CACNA2D3: variants seen among roughly 807,000 people sequenced by gnomAD.
The protein encoded by CACNA2D3 is calcium voltage-gated channel auxiliary subunit alpha2delta 3, also known as voltage-dependent calcium channel subunit alpha-2/delta-3.
Under a neutral mutation model 160.6 loss-of-function variants are expected in CACNA2D3, and 60 were observed. The ratio of observed to expected loss-of-function variants is 0.37; its 90% CI spans 0.30 to 0.46. The LOEUF (loss-of-function observed/expected upper bound fraction) is 0.46, where lower values mean the gene tolerates loss of function less well. Among genes scored for constraint, CACNA2D3 ranks in the 20% least tolerant of loss-of-function variants. CACNA2D3 has a pLI of 1.00. For synonymous variants in CACNA2D3, 558 were observed against 492.9 expected (o/e 1.13, Z -1.75); for missense variants, 1,205 against 1,365.0 (o/e 0.88, Z 1.85).
chr3:54,254,033 G>A (rs1702247191), intron 2 of CACNA2D3, among the ~76,000 whole-genome samples: 1 of 152,158 alleles, frequency 6.6e-6, no homozygotes, highest in South Asian at 2.1e-4. Context: ...CCAAAGTGCT[G>A]GGATTATAGG....
At chr3:54,534,920 C>T (rs575416755) in intron 5 of CACNA2D3, among the ~76,000 whole-genome samples, 20 of 152,248 alleles carry the variant, frequency 1.3e-4, no homozygotes, top group Admixed American at 4.6e-4. Context: ...GAGCTAGCCT[C>T]TGTATCAAAA....
intron 11 of CACNA2D3, among the ~76,000 whole-genome samples, chr3:54,648,571 T>G (rs564744011): frequency 4.6e-4 from 70 of 152,350 alleles, no homozygotes; most frequent in African/African-American, 1.6e-3. Context: ...GTAATGACGG[T>G]TTTTCCCTAT....
intron 28 of CACNA2D3, among the ~76,000 whole-genome samples, chr3:54,969,121 A>C (rs1702217607): frequency 6.6e-6 from 1 of 152,178 alleles, no homozygotes; most frequent in South Asian, 2.1e-4. Context: ...GAAGCTATAA[A>C]CTAAGGAGAT....
intron 24 of CACNA2D3, among the ~76,000 whole-genome samples, chr3:54,889,608 A>G (rs974205150): frequency 6.6e-6 from 1 of 152,210 alleles, no homozygotes; most frequent in Non-Finnish European, 1.5e-5. Flanking sequence ...GGGCATGGCC[A>G]GTCTCTCTTC....
At chr3:54,516,731 A>T (rs575348346) in intron 5 of CACNA2D3, among the ~76,000 whole-genome samples, 1 of 152,300 alleles carries the variant, frequency 6.6e-6, no homozygotes, top group South Asian at 2.1e-4. Context: ...TGTCTACTTT[A>T]TTCAAGTCCC....
Position 54,608,660 on chromosome 3 carries a change from G to A in CACNA2D3, c.964-19127G>A, listed in dbSNP as rs529518819. 9.8e-5 allele frequency among the ~76,000 whole-genome samples: 15 copies of A among 152,334 alleles called. No individual in the cohort carries two copies. The South Asian group carries it at 1.4e-3, about 15-fold the overall frequency. Reference sequence around the variant, plus strand: ...GACCACTTTGCTGGAAATCTCAGTGGTAGTGCTCAAAGATGTGGCTTCATC... The same window carrying A: ...GACCACTTTGCTGGAAATCTCAGTGATAGTGCTCAAAGATGTGGCTTCATC... On this transcript the variant is annotated intron_variant, in intron 9 of 37. Transcript: ENST00000474759.
intron 9 of CACNA2D3, among the ~76,000 whole-genome samples, chr3:54,591,074 A>G (rs567668574): frequency 6.6e-6 from 1 of 152,314 alleles, no homozygotes; most frequent in East Asian, 1.9e-4. Flanking sequence ...ACCTTAAACC[A>G]GTTTCCATTT....
At chr3:54,558,696 C>A (rs1238649392) in intron 5 of CACNA2D3, among the ~76,000 whole-genome samples, 1 of 152,134 alleles carries the variant, frequency 6.6e-6, no homozygotes, top group Non-Finnish European at 1.5e-5. Context: ...TCTGTTAATT[C>A]ACTCAGGATA....
At chr3:54,980,598 A>G (rs1702485377) in intron 29 of CACNA2D3, among the ~76,000 whole-genome samples, 1 of 152,212 alleles carries the variant, frequency 6.6e-6, no homozygotes, top group African/African-American at 2.4e-5. Flanking sequence ...TACTTTTGGT[A>G]AAAACCTTGG....
chr3:54,626,684 CAAAAAAAAAAAAA>C (rs71096430), intron 9 of CACNA2D3: 26 of 318,264 alleles, frequency 8.2e-5, no homozygotes, highest in South Asian at 2.7e-4. Context: ...TGGTTCCAGT[CAAAAAAAAAAAAA>C]AAAAAAAAAA....
chr3:54,456,910 A>G (rs905796147), intron 4 of CACNA2D3, among the ~76,000 whole-genome samples: 1 of 151,440 alleles, frequency 6.6e-6, no homozygotes, highest in African/African-American at 2.4e-5. Context: ...GTGGTCTGTA[A>G]TGATTGTTTG....
rs186142899 is a variant in CACNA2D3, at chr3:54,147,178, C to T, written c.204+23584C>T. 5.9e-5 allele frequency among the ~76,000 whole-genome samples: 9 copies of T among 152,360 alleles called. No homozygotes were observed. In the East Asian group the frequency reaches 1.5e-3, roughly 26 times the overall value. On this transcript the variant is annotated intron_variant, in intron 2 of 37. Transcript: ENST00000474759. ...GAATTCCCCCTGCACTGCCTGCTGG[C>T]TGTCACTTGGGTGTGTGGCTTTGCT...
chr3:54,226,941 C>T (rs1701684619), intron 2 of CACNA2D3, among the ~76,000 whole-genome samples: 1 of 152,182 alleles, frequency 6.6e-6, no homozygotes, highest in Non-Finnish European at 1.5e-5. Flanking sequence ...GTGTTTGTCT[C>T]CTATAGTCTA....
At chr3:54,997,003 C>T (rs1277470839) in intron 31 of CACNA2D3, among the ~76,000 whole-genome samples, 2 of 151,922 alleles carry the variant, frequency 1.3e-5, no homozygotes, top group African/African-American at 4.8e-5. Flanking sequence ...AGGGGAACAT[C>T]ACACACCGGG....
intron 13 of CACNA2D3, among the ~76,000 whole-genome samples, chr3:54,794,194 A>AT (rs1702819469): frequency 6.6e-6 from 1 of 152,010 alleles, no homozygotes; most frequent in Non-Finnish European, 1.5e-5. Context: ...TTTAACTTCC[A>AT]TTTTATCTCC....
At position 54,221,751 on chromosome 3, in the gene CACNA2D3, A is replaced by G. The variant is rs78703868; in HGVS notation, c.204+98157A>G. Among the ~76,000 whole-genome samples, 89 of 152,332 alleles carry G rather than the reference A, an allele frequency of 5.8e-4. No homozygotes were observed. The East Asian group carries it at 9.6e-3, about 17-fold the overall frequency. ...TTAAGTCATTTCTAGATTACTTATA[A>G]TAACTAATGGAGTGTAAATGCTATG... On this transcript the variant is annotated intron_variant, in intron 2 of 37. Coordinates refer to ENST00000474759, the MANE Select transcript of CACNA2D3 (RefSeq NM_018398.3).
chr3:54,938,120 T>C (rs1701375739), intron 27 of CACNA2D3, among the ~76,000 whole-genome samples: 1 of 152,200 alleles, frequency 6.6e-6, no homozygotes. Flanking sequence ...CCTTTCTGCA[T>C]GTGTCTGAGG....
intron 13 of CACNA2D3, among the ~76,000 whole-genome samples, chr3:54,785,141 G>T (rs2107136690): frequency 6.6e-6 from 1 of 152,328 alleles, no homozygotes; most frequent in Non-Finnish European, 1.5e-5. Flanking sequence ...ACATGGGATT[G>T]GTTGGGATAA....
intron 2 of CACNA2D3, among the ~76,000 whole-genome samples, chr3:54,302,541 A>G (rs924790870): frequency 4.6e-5 from 7 of 152,172 alleles, no homozygotes; most frequent in Non-Finnish European, 1.0e-4. Context: ...TTGGTCTTCC[A>G]GGCTGTTTGC....
Sources: gnomAD v4.1 joint callset for allele counts (sites outside exome capture counted in the v4.1 genomes callset) on GRCh38, gnomAD v4.1.1 for gene constraint, MANE v1.5 for transcripts, NCBI Gene and HGNC (gene_info 2026-07-23, HGNC 2026-07-21) for gene names.